Variants in ARPC5 observed in about 807,000 individuals in gnomAD.
The protein encoded by ARPC5 is actin related protein 2/3 complex subunit 5, also known as actin-related protein 2/3 complex subunit 5.
A neutral mutation model predicts 15.4 loss-of-function variants in ARPC5; 5 were observed. That is an observed-to-expected ratio of 0.32 (90% CI 0.17 to 0.68). ARPC5 has a LOEUF of 0.68. Ranked by LOEUF, ARPC5 falls within the 30% of genes least tolerant of loss-of-function variation. ARPC5 has a pLI of 0.71. For synonymous variants in ARPC5, 85 were observed against 72.2 expected, an observed-to-expected ratio of 1.18 and a Z score of -0.90; for missense variants, 138 against 192.8, an observed-to-expected ratio of 0.72 and a Z score of 1.68.
chr1:183,633,216 G>C, intron 1 of ARPC5, 62 bp from the exon 2 acceptor site: 4 of 1,142,448 alleles, frequency 3.5e-6, no homozygotes, highest in Non-Finnish European at 4.9e-6. Flanking sequence ...ATAACCACTG[G>C]TTCTTATGAC....
In ARPC5 at chr1:183,635,534, C is replaced by T; in HGVS notation, c.126G>A (p.Val42=). 6.2e-7 allele frequency: 1 copy of T among 1,612,396 alleles called. No individual in the cohort carries two copies. The highest frequency in any genetic ancestry group is 1.7e-4 in the Middle Eastern group (1 of 6,060). Residue 42 remains valine (V), a synonymous_variant, in exon 1 of 4, where the codon GTG becomes GTA. Transcript: ENST00000359856. ...AAGGATATTGCCGCAGGCAGGAGTC[C>T]ACCTCGCCCTCGTCGGGCCCGGCCT... is the stretch of plus-strand genomic sequence containing the variant. The part of the protein sequence containing the change: ...DGQAGPDEGE[V]DSCLRQGNMT...
chr1:183,632,999 A>G, intron 2 of ARPC5, 83 bp downstream of exon 2: 1 of 1,055,620 alleles, frequency 9.5e-7, no homozygotes, highest in Non-Finnish European at 1.4e-6. Flanking sequence ...CAGTTAAAAT[A>G]TTGATTTTTT....
chr1:183,631,206 T>C (rs935128748), intron 2 of ARPC5: 1 of 151,894 alleles, frequency 6.6e-6, no homozygotes, highest in Non-Finnish European at 1.5e-5. Flanking sequence ...CTGAGAGGAT[T>C]TGCTAACAGA....
Position 183,635,511 on chromosome 1 carries a change from G to C in ARPC5, c.143+6C>G. 6.2e-7 allele frequency: 1 copy of C among 1,608,994 alleles called. No individual in the cohort carries two copies. The highest frequency in any genetic ancestry group is 8.5e-7 in the Non-Finnish European group (1 of 1,178,072). On this transcript the variant is annotated splice_donor_region_variant and intron_variant, in intron 1 of 3. Transcript: ENST00000359856. ...GGGGTGGGGAGGGCGGTGAATGCAA[G>C]GATATTGCCGCAGGCAGGAGTCCAC... is the stretch of plus-strand genomic sequence containing the variant.
chr1:183,635,366 C>G, intron 1 of ARPC5, 151 bp downstream of exon 1: 1 of 953,756 alleles, frequency 1.0e-6, no homozygotes, highest in Non-Finnish European at 1.5e-6. Context: ...CTTGCCCTCT[C>G]AGAGCGGGCG....
chr1:183,624,779 T>G lies in ARPC5; in HGVS notation c.*2753A>C, dbSNP rs1649047069. Reference sequence around the variant, plus strand: ...AAATTGTATGACGTTAATTCTCTTTTTTTTTGTATGACATAATTTTCAGGT... The same window carrying G: ...AAATTGTATGACGTTAATTCTCTTTGTTTTTGTATGACATAATTTTCAGGT... On this transcript the variant is annotated 3_prime_UTR_variant, in exon 4 of 4. Transcript: ENST00000359856. 6.6e-6 allele frequency: 1 copy of G among 152,232 alleles called. No homozygotes were observed. Among genetic ancestry groups the G allele is most frequent in the South Asian group, 2.1e-4 (1 of 4,830 alleles). The allele number at this position is 152,232 out of a possible 1,614,324, so 9.4% of individuals were successfully genotyped here.
intron 3 of ARPC5, among the ~76,000 whole-genome samples, chr1:183,629,535 C>T (rs569672607): frequency 6.6e-6 from 1 of 152,250 alleles, no homozygotes; most frequent in South Asian, 2.1e-4. Flanking sequence ...ACTTCAAACA[C>T]TCAATATTTT....
chr1:183,630,575 C>T lies in ARPC5; in HGVS notation c.279G>A (p.Lys93=). Residue 93 remains lysine (K), a synonymous_variant, in exon 3 of 4, where the codon AAG becomes AAA. Coordinates refer to ENST00000359856, the MANE Select transcript of ARPC5 (RefSeq NM_005717.4). ...CATTCTTGTCCAGAGATTGAACTGC[C>T]TTTTCTATATCATTAGCTTTAAAAG... The part of the protein sequence containing the change: ...LISFKANDIE[K]AVQSLDKNGV... The T allele has an allele frequency of 6.2e-7, 1 of 1,614,106 alleles. No homozygotes were observed. The highest frequency in any genetic ancestry group is 8.5e-7 in the Non-Finnish European group (1 of 1,180,000).
rs72182011 is a variant in ARPC5, at chr1:183,634,930, T to TAAA, written c.143+584_143+586dup. On this transcript the variant is annotated intron_variant, in intron 1 of 3. Transcript: ENST00000359856. ...CTTCTTCTTCTTTTTTTTTTTTTTTTAAAAAGGCCAATGGGCTGAAAGCAC... is the reference window on the plus strand; with the variant it reads ...CTTCTTCTTCTTTTTTTTTTTTTTTTAAAAAAAAGGCCAATGGGCTGAAAGCAC... 1.8e-3 allele frequency among the ~76,000 whole-genome samples: 241 copies of TAAA among 136,664 alleles called. 5 individuals are homozygous for TAAA. Among genetic ancestry groups the TAAA allele is most frequent in the African/African-American group, 6.0e-3 (230 of 38,100 alleles). The allele number at this position is 136,664 out of a possible 152,430, so 89.7% of individuals were successfully genotyped here.
In ARPC5 at chr1:183,622,119, T is replaced by C. The variant is rs1648956242; in HGVS notation, c.*5413A>G. On this transcript the variant is annotated 3_prime_UTR_variant, in exon 4 of 4. Coordinates refer to ENST00000359856, the MANE Select transcript of ARPC5 (RefSeq NM_005717.4). ...ACTATATATAGTATGTTAGTATTTA[T>C]GTACACAAAGGGGTAAAATCTTATA... 1.3e-5 allele frequency: 2 copies of C among 152,212 alleles called. No individual in the cohort carries two copies. The highest frequency in any genetic ancestry group is 2.9e-5 in the Non-Finnish European group (2 of 68,034). 9.4% of individuals were successfully genotyped at this position (152,212 alleles called of 1,614,324 possible).
rs1051304630 is a variant in ARPC5 at position 183,628,192 on chromosome 1, A to T, written c.394-598T>A. 1.1e-3 allele frequency among the ~76,000 whole-genome samples: 154 copies of T among 144,898 alleles called. 1 individual carries two copies. The highest frequency in any genetic ancestry group is 1.8e-3 in the Non-Finnish European group (121 of 66,784). On this transcript the variant is annotated intron_variant, in intron 3 of 3. Transcript: ENST00000359856. ...CGTCTCAAAAAAAAAAAAAAAAAAA[A>T]AAAAAAAAAATCTGCAGCATAGTGT...
chr1:183,635,631 C>A lies in ARPC5; in HGVS notation c.29G>T (p.Arg10Leu), dbSNP rs1160859334. MSKNTVSSARFRKVDVDEYD... is the reference protein window; with the variant it reads MSKNTVSSALFRKVDVDEYD... ...TTCATCCACGTCCACCTTCCGGAAG[C>A]GGGCCGACGACACTGTGTTCTTCGA... Residue 10 changes from arginine (R) to leucine (L), a missense_variant, in exon 1 of 4, where the codon CGC becomes CTC. Arg to Leu is a moderately radical substitution (Grantham distance 102). Transcript: ENST00000359856. The A allele has an allele frequency of 1.9e-6, 3 of 1,613,342 alleles. No individual in the cohort carries two copies. The highest frequency in any genetic ancestry group is 4.5e-5 in the East Asian group (2 of 44,832).
rs999623275 is a variant in ARPC5, at chr1:183,630,543, T to A, written c.311A>T (p.Asp104Val). 2 of 1,614,000 alleles carry A rather than the reference T, an allele frequency of 1.2e-6. No homozygotes were observed. The highest frequency in any genetic ancestry group is 1.7e-5 in the Admixed American group (1 of 60,024). ...TTTATAAATATACTTCATTAGGAGA[T>A]CCACACCATTCTTGTCCAGAGATTG... ...AVQSLDKNGVDLLMKYIYKGF... is the reference protein window; with the variant it reads ...AVQSLDKNGVVLLMKYIYKGF... Residue 104 changes from aspartate (D) to valine (V), a missense_variant, in exon 3 of 4, where the codon GAT becomes GTT. By Grantham distance (152) the Asp-to-Val change is radical (BLOSUM62 -3). Transcript: ENST00000359856.
Position 183,621,723 on chromosome 1 carries a change from G to A in ARPC5, c.*5809C>T, listed in dbSNP as rs1572193855. 1 of 152,178 alleles carries A rather than the reference G, an allele frequency of 6.6e-6. No individual in the cohort carries two copies. Among genetic ancestry groups the A allele is most frequent in the East Asian group, 1.9e-4 (1 of 5,198 alleles). The allele number at this position is 152,178 out of a possible 1,614,324, so 9.4% of individuals were successfully genotyped here. ...CCATATAGGATAACTTCCTGATGTTGCCATGGCATTTGTAAACTGTCATGG... is the reference window on the plus strand; with the variant it reads ...CCATATAGGATAACTTCCTGATGTTACCATGGCATTTGTAAACTGTCATGG... On this transcript the variant is annotated 3_prime_UTR_variant, in exon 4 of 4. Transcript: ENST00000359856.
Position 183,633,132 on chromosome 1 carries a change from G to A in ARPC5, c.166C>T (p.Gln56Ter). The change falls in exon 2 of 4, where the codon CAG (glutamine) becomes TAG (stop). Residue 56 changes from glutamine to a stop codon, truncating the protein, a stop_gained. Transcript: ENST00000359856. LOFTEE classifies it high-confidence loss of function. ...LRQGNMTAALQAALKNPPINT... is the reference protein window; with the variant it reads ...LRQGNMTAAL Reference sequence around the variant, plus strand: ...ATAGGGGGGTTCTTCAGAGCTGCCTGTAGGGCAGCTGTCATGTTTCCTGTG... The same window carrying A: ...ATAGGGGGGTTCTTCAGAGCTGCCTATAGGGCAGCTGTCATGTTTCCTGTG... The A allele has an allele frequency of 6.2e-7, 1 of 1,602,898 alleles. No homozygotes were observed. Among genetic ancestry groups the A allele is most frequent in the East Asian group, 2.3e-5 (1 of 44,148 alleles).
Position 183,630,616 on chromosome 1 carries a change from A to G in ARPC5, c.238T>C (p.Leu80=). ...GCTTTAAAAGAGATGAGCACCTTCA[A>G]GACAATGCTGCCTGCCCGGTCCTGG... ...AVKDRAGSIV[L]KVLISFKAND... The change falls in exon 3 of 4, where the codon TTG becomes CTG. Residue 80 remains leucine, a synonymous_variant. Transcript: ENST00000359856. 6.2e-7 allele frequency: 1 copy of G among 1,613,928 alleles called. No homozygotes were observed. Among genetic ancestry groups the G allele is most frequent in the South Asian group, 1.1e-5 (1 of 91,044 alleles).
Position 183,622,036 on chromosome 1 carries a change from T to C in ARPC5, c.*5496A>G, listed in dbSNP as rs1456494985. The C allele has an allele frequency of 6.6e-6, 1 of 152,202 alleles. No homozygotes were observed. The highest frequency in any genetic ancestry group is 1.5e-5 in the Non-Finnish European group (1 of 68,030). The allele number at this position is 152,202 out of a possible 1,614,324, so 9.4% of individuals were successfully genotyped here. A position where few individuals can be genotyped will look rare whatever the true frequency, so the allele number is the denominator to read the frequency against. ...GAAGGGAATAAGGAAGTTCTTTATG[T>C]ATTGATAGGAAATTACCACCAAAAT... is the stretch of plus-strand genomic sequence containing the variant. On this transcript the variant is annotated 3_prime_UTR_variant, in exon 4 of 4. Coordinates refer to ENST00000359856, the MANE Select transcript of ARPC5 (RefSeq NM_005717.4).
chr1:183,627,598 A>T lies in ARPC5; in HGVS notation c.394-4T>A. ...CTACTCCTCCAGCAGCAAGTGCCTA[A>T]AAACAAACCAAGATGTAAATGTTGA... is the stretch of plus-strand genomic sequence containing the variant. On this transcript the variant is annotated splice_region_variant and splice_polypyrimidine_tract_variant and intron_variant, in intron 3 of 3. Coordinates refer to ENST00000359856, the MANE Select transcript of ARPC5 (RefSeq NM_005717.4). 6.2e-7 allele frequency: 1 copy of T among 1,611,536 alleles called. No homozygotes were observed. Among genetic ancestry groups the T allele is most frequent in the South Asian group, 1.1e-5 (1 of 91,000 alleles).
chr1:183,624,068 A>C lies in ARPC5; in HGVS notation c.*3464T>G, dbSNP rs1340772131. ...TTAATTTTCTTTTTTACCTTTATAC[A>C]TGGGGTTAAACTAAGTGATCATCAA... is the stretch of plus-strand genomic sequence containing the variant. On this transcript the variant is annotated 3_prime_UTR_variant, in exon 4 of 4. Transcript: ENST00000359856. The C allele has an allele frequency of 2.6e-5, 4 of 152,566 alleles. No homozygotes were observed. The East Asian group carries it at 5.8e-4, about 22-fold the overall frequency. 9.5% of individuals were successfully genotyped at this position (152,566 alleles called of 1,614,324 possible). A position where few individuals can be genotyped will look rare whatever the true frequency, so the allele number is the denominator to read the frequency against.
Sources: gnomAD v4.1 joint callset for allele counts (sites outside exome capture counted in the v4.1 genomes callset) on GRCh38, gnomAD v4.1.1 for gene constraint, MANE v1.5 for transcripts, NCBI Gene and HGNC (gene_info 2026-07-23, HGNC 2026-07-21) for gene names.